The following FSD1L variants were observed in gnomAD, a reference collection of about 807,000 sequenced individuals.
FSD1L encodes the protein fibronectin type III and SPRY domain containing 1 like.
Under a neutral mutation model 71.6 loss-of-function variants are expected in FSD1L, and 45 were observed. The observed-to-expected ratio is 0.63, with a 90% CI of 0.49 to 0.81. The LOEUF is 0.81. FSD1L is among the 30% of genes least tolerant of loss of function. FSD1L has a pLI of 0.00. For synonymous variants in FSD1L, 197 were observed against 207.2 expected, an observed-to-expected ratio of 0.95 and a Z score of 0.42; for missense variants, 561 against 618.1, an observed-to-expected ratio of 0.91 and a Z score of 0.98.
intron 10 of FSD1L, among the ~76,000 whole-genome samples, chr9:105,517,722 A>C (rs756547551): frequency 2.6e-5 from 4 of 152,206 alleles, no homozygotes; most frequent in Admixed American, 6.5e-5. Flanking sequence ...AATTGTAAAG[A>C]CTATCGACAC....
chr9:105,507,153 T>G (rs75933951), intron 8 of FSD1L, among the ~76,000 whole-genome samples: 3,792 of 152,336 alleles, frequency 0.025, 172 homozygotes, highest in African/African-American at 0.087. Context: ...GATGTTCTCA[T>G]TACCCATTTC....
chr9:105,468,110 A>C, intron 3 of FSD1L, 83 bp from the exon 4 acceptor site: 1 of 878,276 alleles, frequency 1.1e-6, no homozygotes, highest in Non-Finnish European at 1.6e-6. Flanking sequence ...ATATAAATTT[A>C]TTCTCTCTTT....
intron 10 of FSD1L, among the ~76,000 whole-genome samples, chr9:105,533,483 C>T (rs58242407): frequency 0.02 from 2,446 of 121,982 alleles, 66 homozygotes; most frequent in African/African-American, 0.072. Context: ...AGTGCAGTGG[C>T]GCCATCTCGG....
chr9:105,536,670 C>CTGT (rs1376544734), intron 12 of FSD1L, among the ~76,000 whole-genome samples: 2 of 152,024 alleles, frequency 1.3e-5, no homozygotes, highest in African/African-American at 4.8e-5. Context: ...GAGTCTTACT[C>CTGT]TGTTGTCCAG....
At chr9:105,443,017 G>T (rs1829567675), upstream of FSD1L, among the ~76,000 whole-genome samples, 1 of 152,164 alleles carries the variant, frequency 6.6e-6, no homozygotes, top group South Asian at 2.1e-4. Flanking sequence ...TTCCTTTCAG[G>T]CTAAATACTC....
chr9:105,523,977 G>T (rs1353279458), intron 10 of FSD1L: 3 of 1,594,990 alleles, frequency 1.9e-6, no homozygotes, highest in Non-Finnish European at 2.6e-6. Context: ...GGGATCTTTG[G>T]TTTGCTTTCC....
intron 9 of FSD1L, among the ~76,000 whole-genome samples, chr9:105,511,689 G>T (rs1009312916): frequency 1.3e-5 from 2 of 152,050 alleles, no homozygotes; most frequent in Non-Finnish European, 2.9e-5. Context: ...AAAAAACAAT[G>T]AACAATAGCT....
intron 10 of FSD1L, chr9:105,524,145 G>A (rs1046501206): frequency 3.1e-6 from 5 of 1,612,088 alleles, no homozygotes; most frequent in Middle Eastern, 2.2e-4. Flanking sequence ...TTGTAGTTTA[G>A]GTATTTGGAT....
Position 105,468,339 on chromosome 9 carries a change from C to A in FSD1L, c.339+15C>A. ...AAGAGTTACAGGTGAGATCATACAG[C>A]TATTGAAATATGGATAATTTTAGTC... On this transcript the variant is annotated intron_variant, in intron 4 of 13. Transcript: ENST00000481272. 1 of 1,469,442 alleles carries A rather than the reference C, an allele frequency of 6.8e-7. No individual in the cohort carries two copies. Among genetic ancestry groups the A allele is most frequent in the East Asian group, 2.8e-5 (1 of 35,988 alleles). 91.0% of individuals were successfully genotyped at this position (1,469,442 alleles called of 1,614,324 possible). A position where few individuals can be genotyped will look rare whatever the true frequency, so the allele number is the denominator to read the frequency against.
chr9:105,506,305 A>G (rs914013405), intron 7 of FSD1L, 94 bp from the exon 8 acceptor site: 1 of 924,892 alleles, frequency 1.1e-6, no homozygotes, highest in Admixed American at 2.5e-5. Context: ...ATAATGAAAA[A>G]GCAGTTTGAA....
At position 105,547,576 on chromosome 9, in the gene FSD1L, A is replaced by T. The variant is rs1223206174; in HGVS notation, c.*1093A>T. 6.6e-6 allele frequency: 1 copy of T among 152,080 alleles called. No homozygotes were observed. Among genetic ancestry groups the T allele is most frequent in the Non-Finnish European group, 1.5e-5 (1 of 67,950 alleles). 9.4% of individuals were successfully genotyped at this position (152,080 alleles called of 1,614,324 possible). On this transcript the variant is annotated 3_prime_UTR_variant, in exon 14 of 14. Coordinates refer to ENST00000481272, the MANE Select transcript of FSD1L (RefSeq NM_001145313.3). ...ACATGACTTTTTCAAGCAGCCATTC[A>T]TTCAGAGGTTTGTTTTCTCTCAGTC...
intron 10 of FSD1L, among the ~76,000 whole-genome samples, chr9:105,529,535 C>A (rs1027596806): frequency 6.6e-6 from 1 of 152,056 alleles, no homozygotes; most frequent in East Asian, 1.9e-4. Context: ...GAAAACCAAA[C>A]GCCACGTGTT....
At chr9:105,519,903 G>A (rs966426131) in intron 10 of FSD1L, among the ~76,000 whole-genome samples, 24 of 152,342 alleles carry the variant, frequency 1.6e-4, no homozygotes, top group Admixed American at 1.4e-3. Context: ...AGAGGGATCC[G>A]CCATATTGGA....
At chr9:105,512,642 G>T (rs1834461692) in intron 9 of FSD1L, among the ~76,000 whole-genome samples, 165 bp from the exon 10 acceptor site, 1 of 152,084 alleles carries the variant, frequency 6.6e-6, no homozygotes, top group African/African-American at 2.4e-5. Context: ...ATAAATTATA[G>T]CCTGATTATT....
At chr9:105,518,165 T>A (rs1834857789) in intron 10 of FSD1L, among the ~76,000 whole-genome samples, 1 of 152,190 alleles carries the variant, frequency 6.6e-6, no homozygotes, top group Non-Finnish European at 1.5e-5. Flanking sequence ...ATAAAGCAAG[T>A]TCTTAGAGAC....
At chr9:105,446,242 A>G (rs139527021), upstream of FSD1L, among the ~76,000 whole-genome samples, 270 of 152,356 alleles carry the variant, frequency 1.8e-3, no homozygotes, top group Middle Eastern at 6.8e-3. Context: ...ACTTTCTAGA[A>G]TGTTCTTCCC....
At chr9:105,525,783 G>A (rs1835469967) in intron 10 of FSD1L, 7 of 1,606,100 alleles carry the variant, frequency 4.4e-6, no homozygotes, top group South Asian at 3.3e-5. Context: ...TTGGTTTGGA[G>A]GTAAATCTTA....
intron 10 of FSD1L, among the ~76,000 whole-genome samples, chr9:105,513,329 T>C (rs1253033302): frequency 6.6e-6 from 1 of 152,204 alleles, no homozygotes; most frequent in Non-Finnish European, 1.5e-5. Context: ...GGGTCTTGCC[T>C]CTGATCAGCA....
chr9:105,493,852 G>A (rs1273281001), intron 7 of FSD1L, among the ~76,000 whole-genome samples: 1 of 152,202 alleles, frequency 6.6e-6, no homozygotes, highest in African/African-American at 2.4e-5. Flanking sequence ...GGTTTGTAGA[G>A]TTTCTGCCGA....
Sources: gnomAD v4.1 joint callset for allele counts (sites outside exome capture counted in the v4.1 genomes callset) on GRCh38, gnomAD v4.1.1 for gene constraint, MANE v1.5 for transcripts, NCBI Gene and HGNC (gene_info 2026-07-23, HGNC 2026-07-21) for gene names.